Variants in IGF1R observed in about 807,000 individuals in gnomAD.
The protein encoded by IGF1R is insulin like growth factor 1 receptor.
A neutral mutation model predicts 144.6 loss-of-function variants in IGF1R; 44 were observed. The ratio of observed to expected loss-of-function variants is 0.30; its 90% CI spans 0.24 to 0.39. IGF1R has a LOEUF of 0.39. Among genes scored for constraint, IGF1R ranks in the 10% least tolerant of loss-of-function variants. IGF1R has a pLI of 1.00. For missense variants in IGF1R, 1,355 were observed against 1,833.7 expected (o/e 0.74, Z 4.77); for synonymous variants, 795 against 722.8 (o/e 1.10, Z -1.60).
At chr15:98,853,528 C>T (rs1382872959) in intron 2 of IGF1R, among the ~76,000 whole-genome samples, 22 of 152,200 alleles carry the variant, frequency 1.4e-4, no homozygotes, top group Admixed American at 1.2e-3. Flanking sequence ...AAATGACATC[C>T]AGTCTTGCTT....
At chr15:98,786,837 G>A (rs1401428735) in intron 2 of IGF1R, among the ~76,000 whole-genome samples, 1 of 152,200 alleles carries the variant, frequency 6.6e-6, no homozygotes, top group African/African-American at 2.4e-5. Context: ...GGCAGCTAGA[G>A]AGCCTGTGTG....
chr15:98,909,995 G>T (rs1324695583), intron 6 of IGF1R, among the ~76,000 whole-genome samples: 2 of 152,198 alleles, frequency 1.3e-5, no homozygotes, highest in Non-Finnish European at 2.9e-5. Flanking sequence ...AAAGTAATTT[G>T]TATGATGAAG....
In IGF1R at chr15:98,962,653, C is replaced by G. The variant is rs2017271526; in HGVS notation, c.*5211C>G. On this transcript the variant is annotated 3_prime_UTR_variant, in exon 21 of 21. Coordinates refer to ENST00000650285, the MANE Select transcript of IGF1R (RefSeq NM_000875.5). ...CGGGTGGTGGGTACAGAACCATTGT[C>G]ACAGGGATCCTGGCACAGAGAAGAG... is the stretch of plus-strand genomic sequence containing the variant. 4.3e-6 allele frequency: 1 copy of G among 233,708 alleles called. No homozygotes were observed. The highest frequency in any genetic ancestry group is 8.5e-6 in the Non-Finnish European group (1 of 118,144). The allele number at this position is 233,708 out of a possible 1,614,324, so 14.5% of individuals were successfully genotyped here.
chr15:98,686,347 G>A (rs183055636), intron 1 of IGF1R, among the ~76,000 whole-genome samples: 1 of 152,254 alleles, frequency 6.6e-6, no homozygotes, highest in East Asian at 1.9e-4. Flanking sequence ...TTGCTCCCCC[G>A]CTTTGGCTAC....
At chr15:98,942,136 G>A (rs930547499) in intron 18 of IGF1R, among the ~76,000 whole-genome samples, 47 of 152,108 alleles carry the variant, frequency 3.1e-4, no homozygotes, top group African/African-American at 1.1e-3. Context: ...TTGTTACCCT[G>A]AATATTTTCC....
intron 2 of IGF1R, among the ~76,000 whole-genome samples, chr15:98,845,093 A>G (rs954882713): frequency 2.0e-5 from 3 of 152,182 alleles, no homozygotes; most frequent in African/African-American, 7.2e-5. Context: ...GCAGTACCCA[A>G]AACTTAGCAA....
intron 2 of IGF1R, among the ~76,000 whole-genome samples, chr15:98,783,955 G>GA: frequency 1.4e-5 from 2 of 139,082 alleles, no homozygotes; most frequent in South Asian, 2.3e-4. Context: ...TATGGCATCT[G>GA]AAATTTTTTT....
At chr15:98,777,888 G>T (rs2055758671) in intron 2 of IGF1R, among the ~76,000 whole-genome samples, 1 of 152,224 alleles carries the variant, frequency 6.6e-6, no homozygotes, top group African/African-American at 2.4e-5. Flanking sequence ...AGATCGTAAG[G>T]TCTAGATGGA....
intron 1 of IGF1R, among the ~76,000 whole-genome samples, chr15:98,687,121 C>T (rs778949001): frequency 6.6e-6 from 1 of 152,222 alleles, no homozygotes; most frequent in African/African-American, 2.4e-5. Flanking sequence ...CCTTGTCATT[C>T]ATTTGCCCAG....
At position 98,887,884 on chromosome 15, in the gene IGF1R, G is replaced by C. The variant is rs191614919; in HGVS notation, c.641-3441G>C. Among the ~76,000 whole-genome samples, 470 of 152,180 alleles carry C rather than the reference G, an allele frequency of 3.1e-3. 10 individuals are homozygous for C. Among genetic ancestry groups the C allele is most frequent in the South Asian group, 5.2e-3 (25 of 4,814 alleles). On this transcript the variant is annotated intron_variant, in intron 2 of 20. Transcript: ENST00000650285. The stretch of plus-strand genomic sequence containing the variant: ...GTAACCTTTCTGATACGAAGGTCTG[G>C]GCATGTTGTTCCCTTGCCTAAAACT...
intron 2 of IGF1R, among the ~76,000 whole-genome samples, chr15:98,744,899 A>G (rs1475169326): frequency 6.6e-6 from 1 of 152,194 alleles, no homozygotes; most frequent in Non-Finnish European, 1.5e-5. Flanking sequence ...AGAGGCCAGG[A>G]AACATTCCCA....
In IGF1R at chr15:98,930,275, G is replaced by T. The variant is rs777136740; in HGVS notation, c.2926G>T (p.Val976Leu). 6.2e-7 allele frequency: 1 copy of T among 1,613,442 alleles called. No homozygotes were observed. Residue 976 changes from valine to leucine, a missense_variant, in exon 15 of 21, where the codon GTG (valine) becomes TTG (leucine). This residue lies in a region of IGF1R where 880 missense variants were observed against 1,202.7 expected (regional missense o/e 0.73). Transcript: ENST00000650285. ...GGGGAATGGAGTGCTGTATGCCTCT[G>T]TGAACCCGGAGTACTTCAGCGCTGC... ...RLGNGVLYAS[V>L]NPEYFSAADV... is the part of the protein sequence containing the mutation.
At chr15:98,796,274 G>A (rs1281172448) in intron 2 of IGF1R, among the ~76,000 whole-genome samples, 2 of 152,114 alleles carry the variant, frequency 1.3e-5, no homozygotes, top group African/African-American at 4.8e-5. Context: ...GGCGCCTGGG[G>A]GTGTGTGGGG....
Position 98,959,587 on chromosome 15 carries a change from G to GC in IGF1R, c.*2148dup. 1 of 233,516 alleles carries GC rather than the reference G, an allele frequency of 4.3e-6. No homozygotes were observed. The allele number at this position is 233,516 out of a possible 1,614,324, so 14.5% of individuals were successfully genotyped here. On this transcript the variant is annotated 3_prime_UTR_variant, in exon 21 of 21. Transcript: ENST00000650285. Reference sequence around the variant, plus strand: ...CTGGGGGACCAGGGCTGTGGTGCTGGCCCACTTTCCCTCGGCCAGGAATCC... The same window carrying GC: ...CTGGGGGACCAGGGCTGTGGTGCTGGCCCCACTTTCCCTCGGCCAGGAATCC...
intron 2 of IGF1R, among the ~76,000 whole-genome samples, chr15:98,763,777 A>AATGAGTGGGTTGTCC (rs2055366437): frequency 3.9e-5 from 6 of 152,304 alleles, no homozygotes; most frequent in Middle Eastern, 3.4e-3. Context: ...TGACCGAATA[A>AATGAGTGGGTTGTCC]AGCCTACTTC....
At chr15:98,658,040 G>C (rs905541288) in intron 1 of IGF1R, among the ~76,000 whole-genome samples, 4 of 152,130 alleles carry the variant, frequency 2.6e-5, no homozygotes, top group African/African-American at 9.7e-5. Context: ...CGTGCCTCTT[G>C]TGGTCCTAGG....
chr15:98,929,580 T>C lies in IGF1R; in HGVS notation c.2805T>C (p.His935=). 2 of 1,614,130 alleles carry C rather than the reference T, an allele frequency of 1.2e-6. No individual in the cohort carries two copies. The highest frequency in any genetic ancestry group is 1.1e-5 in the South Asian group (1 of 91,082). The change falls in exon 14 of 21, where the codon CAT becomes CAC. Residue 935 remains histidine, a synonymous_variant. Coordinates refer to ENST00000650285, the MANE Select transcript of IGF1R (RefSeq NM_000875.5). The part of the protein sequence containing the change: ...QAKTGYENFI[H]LIIALPVAVL... ...CAGCAGGATATGAAAACTTCATCCATCTGATCATCGCTCTGCCCGTCGCTG... is the reference window on the plus strand; with the variant it reads ...CAGCAGGATATGAAAACTTCATCCACCTGATCATCGCTCTGCCCGTCGCTG...
At chr15:98,675,554 A>G (rs2053014481) in intron 1 of IGF1R, among the ~76,000 whole-genome samples, 1 of 152,208 alleles carries the variant, frequency 6.6e-6, no homozygotes, top group Non-Finnish European at 1.5e-5. Context: ...TAGCATTTAA[A>G]AAGTTGTATC....
At chr15:98,926,191 A>G (rs1215443896) in intron 13 of IGF1R, among the ~76,000 whole-genome samples, 6 of 152,254 alleles carry the variant, frequency 3.9e-5, no homozygotes, top group Admixed American at 6.5e-5. Context: ...CCTGGAGGAC[A>G]TGATGTTAAG....
Sources: gnomAD v4.1 joint callset for allele counts (sites outside exome capture counted in the v4.1 genomes callset) on GRCh38, gnomAD v4.1.1 for gene constraint, gnomAD v4.1.1 regional missense constraint, MANE v1.5 for transcripts, NCBI Gene and HGNC (gene_info 2026-07-23, HGNC 2026-07-21) for gene names.